The following CSMD1 variants were observed in gnomAD, a reference collection of about 807,000 sequenced individuals.
CSMD1 encodes the protein CUB and Sushi multiple domains 1, also known as CUB and sushi domain-containing protein 1.
A neutral mutation model predicts 417.5 loss-of-function variants in CSMD1; 213 were observed. The observed-to-expected ratio is 0.51, with a 90% confidence interval of 0.46 to 0.57. The LOEUF (loss-of-function observed/expected upper bound fraction) is 0.57, where lower values mean the gene tolerates loss of function less well. Among genes scored for constraint, CSMD1 ranks in the 20% least tolerant of loss-of-function variants. The pLI is 0.00. For missense variants in CSMD1, 6,923 were observed against 4,529.7 expected (o/e 1.53, Z -15.17); for synonymous variants, 2,862 against 1,736.8 (o/e 1.65, Z -16.11).
At chr8:3,349,690 A>G (rs975659414) in intron 21 of CSMD1, among the ~76,000 whole-genome samples, 3 of 149,076 alleles carry the variant, frequency 2.0e-5, no homozygotes, top group African/African-American at 7.4e-5. Context: ...TAAAAGAGAA[A>G]TTTATATGTA....
intron 5 of CSMD1, among the ~76,000 whole-genome samples, chr8:3,935,562 T>C (rs1249303750): frequency 6.6e-5 from 10 of 152,162 alleles, no homozygotes; most frequent in East Asian, 1.9e-4. Flanking sequence ...AGGTATATGA[T>C]TGTACTTGCT....
intron 3 of CSMD1, among the ~76,000 whole-genome samples, chr8:4,119,049 C>T (rs1007893370): frequency 3.9e-5 from 6 of 152,066 alleles, no homozygotes; most frequent in African/African-American, 1.4e-4. Flanking sequence ...AATGAGAACA[C>T]ACGGACACAG....
chr8:4,351,451 A>C (rs1054989919), intron 3 of CSMD1, among the ~76,000 whole-genome samples: 4 of 152,242 alleles, frequency 2.6e-5, no homozygotes, highest in African/African-American at 4.8e-5. Flanking sequence ...AATAATGTCT[A>C]AAAAGCAGAG....
At chr8:3,646,272 A>C (rs190523632) in intron 7 of CSMD1, among the ~76,000 whole-genome samples, 6 of 152,284 alleles carry the variant, frequency 3.9e-5, no homozygotes, top group African/African-American at 1.4e-4. Context: ...GTTAACTGTA[A>C]TTTTTCTCAG....
At chr8:3,743,252 A>G (rs2129050985) in intron 6 of CSMD1, among the ~76,000 whole-genome samples, 1 of 152,348 alleles carries the variant, frequency 6.6e-6, no homozygotes, top group African/African-American at 2.4e-5. Context: ...GCATTGAAAT[A>G]TTCCAGGAAT....
intron 33 of CSMD1, among the ~76,000 whole-genome samples, 198 bp downstream of exon 33, chr8:3,199,516 G>C (rs1355768171): frequency 6.6e-6 from 1 of 152,064 alleles, no homozygotes; most frequent in Non-Finnish European, 1.5e-5. Context: ...TTTTGTAGTA[G>C]AAATATGAGT....
rs1797497824 is a variant in CSMD1, at chr8:3,753,860, C to A, written c.931+70G>T. ...GCTATTTATCCAACTCCTAAAATTT[C>A]ATGGCTAGAAAGGATCAAAATATAT... On this transcript the variant is annotated intron_variant, in intron 6 of 69. Transcript: ENST00000635120. 7 of 1,072,894 alleles carry A rather than the reference C, an allele frequency of 6.5e-6. No homozygotes were observed. In the East Asian group the frequency reaches 1.8e-4, roughly 27 times the overall value. The allele number at this position is 1,072,894 out of a possible 1,614,324, so 66.5% of individuals were successfully genotyped here.
At chr8:3,493,116 A>T (rs1796204324) in intron 11 of CSMD1, among the ~76,000 whole-genome samples, 1 of 152,028 alleles carries the variant, frequency 6.6e-6, no homozygotes, top group African/African-American at 2.4e-5. Context: ...CAACATGGCA[A>T]ACGCCTGTCT....
At chr8:4,219,096 C>A (rs1800864103) in intron 3 of CSMD1, among the ~76,000 whole-genome samples, 1 of 152,164 alleles carries the variant, frequency 6.6e-6, no homozygotes, top group African/African-American at 2.4e-5. Context: ...GTTCCTCTAA[C>A]ACCCAGGGTA....
In CSMD1 at chr8:3,141,896, C is replaced by G. The variant is rs1244745777; in HGVS notation, c.6241+569G>C. ...CACTGCAAGCTCCGCCTCCCGGGTT[C>G]ACGCCACTCTCCTGCCTCAGCCTCC... On this transcript the variant is annotated intron_variant, in intron 41 of 69. Coordinates refer to ENST00000635120, the MANE Select transcript of CSMD1 (RefSeq NM_033225.6). Among the ~76,000 whole-genome samples, 5 of 151,582 alleles carry G rather than the reference C, an allele frequency of 3.3e-5. No individual in the cohort carries two copies. The Middle Eastern group carries it at 0.01, about 311-fold the overall frequency.
At chr8:3,014,212 C>T (rs2128965376) in intron 52 of CSMD1, among the ~76,000 whole-genome samples, 1 of 139,620 alleles carries the variant, frequency 7.2e-6, no homozygotes, top group African/African-American at 2.7e-5. Context: ...AGAAACATTT[C>T]TGAATAGTAC....
At chr8:3,621,454 G>T (rs1009172788) in intron 7 of CSMD1, among the ~76,000 whole-genome samples, 3 of 152,072 alleles carry the variant, frequency 2.0e-5, no homozygotes, top group African/African-American at 4.8e-5. Flanking sequence ...AAGAGAAGAA[G>T]GAATATAAGG....
intron 50 of CSMD1, among the ~76,000 whole-genome samples, chr8:3,039,495 A>G (rs1810938292): frequency 8.3e-6 from 1 of 120,554 alleles, no homozygotes; most frequent in African/African-American, 3.3e-5. Context: ...CCTTCTTTCA[A>G]TTCTTCCTTC....
At chr8:3,972,297 A>C (rs1017137520) in intron 5 of CSMD1, among the ~76,000 whole-genome samples, 1 of 152,210 alleles carries the variant, frequency 6.6e-6, no homozygotes, top group African/African-American at 2.4e-5. Flanking sequence ...ATAAGGTACC[A>C]ACACAATGTT....
intron 5 of CSMD1, among the ~76,000 whole-genome samples, chr8:3,918,157 G>T (rs1173964873): frequency 1.3e-5 from 2 of 152,016 alleles, no homozygotes; most frequent in African/African-American, 4.8e-5. Flanking sequence ...AGTAAACATG[G>T]GAGTGAAAGT....
intron 40 of CSMD1, among the ~76,000 whole-genome samples, chr8:3,147,241 G>C (rs761196191): frequency 1.1e-4 from 17 of 152,160 alleles, no homozygotes; most frequent in Non-Finnish European, 2.2e-4. Flanking sequence ...ATTCACTTTG[G>C]AGTTTTGATT....
intron 3 of CSMD1, among the ~76,000 whole-genome samples, chr8:4,291,833 C>T (rs1397179604): frequency 2.6e-5 from 4 of 152,078 alleles, no homozygotes; most frequent in Non-Finnish European, 5.9e-5. Flanking sequence ...AACCATATGG[C>T]CTTTGCAAAA....
rs550932937 is a variant in CSMD1, at chr8:4,672,696, C to T, written c.86-35138G>A. Among the ~76,000 whole-genome samples, 4 of 152,244 alleles carry T rather than the reference C, an allele frequency of 2.6e-5. No homozygotes were observed. The East Asian group carries it at 5.8e-4, about 22-fold the overall frequency. On this transcript the variant is annotated intron_variant, in intron 1 of 69. Coordinates refer to ENST00000635120, the MANE Select transcript of CSMD1 (RefSeq NM_033225.6). ...GAGAAAGGGGAGAAAGGAAGTAAGA[C>T]TGCGCACACACATGCACACATGGTG...
intron 1 of CSMD1, among the ~76,000 whole-genome samples, chr8:4,759,243 T>G (rs922137991): frequency 6.6e-6 from 1 of 152,068 alleles, no homozygotes; most frequent in Non-Finnish European, 1.5e-5. Context: ...ATCAGTGTCG[T>G]TGGATGATGA....
Sources: gnomAD v4.1 joint callset for allele counts (sites outside exome capture counted in the v4.1 genomes callset) on GRCh38, gnomAD v4.1.1 for gene constraint, MANE v1.5 for transcripts, NCBI Gene and HGNC (gene_info 2026-07-23, HGNC 2026-07-21) for gene names.